Variants in ABTB2 observed in about 807,000 individuals in gnomAD.
ABTB2 encodes ankyrin repeat and BTB domain containing 2.
ABTB2 carries 56 observed loss-of-function variants against 104.1 expected under a neutral mutation model. The observed-to-expected ratio is 0.54, with a 90% CI of 0.43 to 0.67. The LOEUF (loss-of-function observed/expected upper bound fraction) is 0.67. Ranked by LOEUF, ABTB2 falls within the 30% of genes least tolerant of loss-of-function variation. The pLI, the probability that ABTB2 is intolerant of heterozygous loss-of-function variation, is 0.00. For synonymous variants in ABTB2, 606 were observed against 608.2 expected (o/e 1.00, Z 0.05); for missense variants, 1,279 against 1,407.7 (o/e 0.91, Z 1.46).
chr11:34,303,645 TTTTTTTTTTTTTTTTGAG>T (rs1004589290), intron 1 of ABTB2, among the ~76,000 whole-genome samples: 1 of 142,332 alleles, frequency 7.0e-6, no homozygotes, highest in Non-Finnish European at 1.5e-5. Flanking sequence ...GCTTTTTTTT[TTTTTTTTTTTTTTTTGAG>T]ACAGAGTCTC....
At chr11:34,179,845 A>C (rs1184305835) in intron 3 of ABTB2, among the ~76,000 whole-genome samples, 1 of 152,188 alleles carries the variant, frequency 6.6e-6, no homozygotes, top group Non-Finnish European at 1.5e-5. Flanking sequence ...TGTATTCCCA[A>C]TGAGTTCAGC....
intron 1 of ABTB2, among the ~76,000 whole-genome samples, chr11:34,351,022 C>G (rs1432010606): frequency 6.6e-6 from 1 of 152,172 alleles, no homozygotes; most frequent in Non-Finnish European, 1.5e-5. Flanking sequence ...ATTACTACAG[C>G]TGCATAAGAG....
At position 34,172,796 on chromosome 11, in the gene ABTB2, T is replaced by C. The variant is rs541028864; in HGVS notation, c.1397+359A>G. ...CACAGCACCTGCACCCAGGAAGGGC[T>C]CCATGTGGTGTCAATTACAGGAACA... On this transcript the variant is annotated intron_variant, in intron 4 of 16. Transcript: ENST00000435224. Among the ~76,000 whole-genome samples, 6 of 152,248 alleles carry C rather than the reference T, an allele frequency of 3.9e-5. No homozygotes were observed. In the East Asian group the frequency reaches 1.2e-3, roughly 29 times the overall value.
chr11:34,252,876 G>C lies in ABTB2; in HGVS notation c.884-48186C>G, dbSNP rs1019259206. On this transcript the variant is annotated intron_variant, in intron 1 of 16. Coordinates refer to ENST00000435224, the MANE Select transcript of ABTB2 (RefSeq NM_145804.3). This position sits in a 1 kb window ranked among gnomAD's most constrained non-coding sequence, Gnocchi z 5.5. ...GGGCCTCTCCTGCCCAACCCAGGTG[G>C]CTGTCACCTGGCCTGCACATGGCTC... Among the ~76,000 whole-genome samples, 1 of 151,982 alleles carries C rather than the reference G, an allele frequency of 6.6e-6. No homozygotes were observed. The highest frequency in any genetic ancestry group is 6.6e-5 in the Admixed American group (1 of 15,262).
intron 1 of ABTB2, among the ~76,000 whole-genome samples, chr11:34,292,988 T>C (rs1408849712): frequency 3.3e-5 from 5 of 152,142 alleles, no homozygotes; most frequent in Admixed American, 6.5e-5. Context: ...AAAACCTGGC[T>C]CTGGTTTTGA....
At chr11:34,240,924 T>G (rs1210210476) in intron 1 of ABTB2, among the ~76,000 whole-genome samples, 2 of 152,206 alleles carry the variant, frequency 1.3e-5, no homozygotes, top group Admixed American at 1.3e-4. Context: ...TTTTTCTTCT[T>G]TTTAATTTTT....
At chr11:34,200,445 C>A (rs190222180) in intron 2 of ABTB2, among the ~76,000 whole-genome samples, 2 of 152,140 alleles carry the variant, frequency 1.3e-5, no homozygotes, top group Admixed American at 1.3e-4. Flanking sequence ...TGGAGGTCCC[C>A]GGCTTCTTCG....
chr11:34,251,939 G>A (rs1038995359), intron 1 of ABTB2, among the ~76,000 whole-genome samples: 2 of 152,144 alleles, frequency 1.3e-5, no homozygotes, highest in African/African-American at 2.4e-5. Context: ...GCCAGTGGAG[G>A]AGACTTTCCT....
chr11:34,348,001 A>T (rs1447107026), intron 1 of ABTB2, among the ~76,000 whole-genome samples: 1 of 152,180 alleles, frequency 6.6e-6, no homozygotes, highest in Non-Finnish European at 1.5e-5. Context: ...GCCAGTCTTG[A>T]CCTTCATTCT....
intron 1 of ABTB2, among the ~76,000 whole-genome samples, chr11:34,324,341 C>G (rs567963003): frequency 4.6e-5 from 7 of 152,224 alleles, no homozygotes; most frequent in African/African-American, 1.4e-4. Flanking sequence ...AAGTTTCCAG[C>G]CCCTATTCCT....
intron 1 of ABTB2, among the ~76,000 whole-genome samples, chr11:34,262,945 C>T (rs1280917123): frequency 6.6e-6 from 1 of 152,096 alleles, no homozygotes; most frequent in East Asian, 1.9e-4. Context: ...GTCATCATGC[C>T]AGGAAAGGTC....
At chr11:34,180,288 C>G (rs1164007087) in intron 3 of ABTB2, among the ~76,000 whole-genome samples, 1 of 152,216 alleles carries the variant, frequency 6.6e-6, no homozygotes, top group East Asian at 1.9e-4. Flanking sequence ...GGCAGTGCAG[C>G]CTCTTGGCCT....
intron 5 of ABTB2, 27 bp downstream of exon 5, chr11:34,170,879 T>G (rs1229936215): frequency 1.1e-5 from 18 of 1,602,846 alleles, no homozygotes; most frequent in Non-Finnish European, 1.4e-5. Flanking sequence ...TCCTCGTGCC[T>G]GTCTTTGTGG....
intron 1 of ABTB2, among the ~76,000 whole-genome samples, chr11:34,315,100 T>C (rs72914585): frequency 0.12 from 18,093 of 152,266 alleles, 1,459 homozygotes; most frequent in East Asian, 0.27. Context: ...AAAAGAGGCC[T>C]GCACTCGCGC....
intron 1 of ABTB2, among the ~76,000 whole-genome samples, chr11:34,297,247 T>C (rs187084346): frequency 1.3e-4 from 20 of 152,334 alleles, no homozygotes; most frequent in African/African-American, 4.8e-4. Flanking sequence ...CCTGCTTCTC[T>C]TTAGTCTTTG....
At chr11:34,333,240 T>C (rs1000407598) in intron 1 of ABTB2, among the ~76,000 whole-genome samples, 155 of 152,234 alleles carry the variant, frequency 1.0e-3, no homozygotes, top group Non-Finnish European at 1.4e-3. Context: ...GGGTAGACAC[T>C]AACAAGGAAT....
chr11:34,168,096 C>T, intron 5 of ABTB2, 104 bp from the exon 6 acceptor site: 1 of 1,147,924 alleles, frequency 8.7e-7, no homozygotes, highest in Non-Finnish European at 1.3e-6. Context: ...ACCCCGCCAC[C>T]CCAGCCGAGC....
intron 1 of ABTB2, among the ~76,000 whole-genome samples, chr11:34,241,534 G>T (rs1485638735): frequency 6.6e-6 from 1 of 152,196 alleles, no homozygotes; most frequent in Non-Finnish European, 1.5e-5. Context: ...TTGAGATGAT[G>T]ACCCAGCAGG....
chr11:34,357,392 G>C lies in ABTB2; in HGVS notation c.192C>G (p.Arg64=). 6.5e-7 allele frequency: 1 copy of C among 1,544,940 alleles called. No individual in the cohort carries two copies. Among genetic ancestry groups the C allele is most frequent in the South Asian group, 1.2e-5 (1 of 83,820 alleles). ...TGTTCACCGTGTCCCAGCTGTTGTG[G>C]CGGCTGTTCATGGAGCCGGAGTAGC... ...WWCYSGSMNS[R]HNSWDTVNTV... Residue 64 remains arginine (R), a synonymous_variant, in exon 1 of 17, where the codon CGC becomes CGG. Coordinates refer to ENST00000435224, the MANE Select transcript of ABTB2 (RefSeq NM_145804.3).
Sources: gnomAD v4.1 joint callset for allele counts (sites outside exome capture counted in the v4.1 genomes callset) on GRCh38, gnomAD v4.1.1 for gene constraint, Gnocchi (gnomAD v3.1) non-coding constraint, MANE v1.5 for transcripts, NCBI Gene and HGNC (gene_info 2026-07-23, HGNC 2026-07-21) for gene names.